The following PLOD2 variants were observed in gnomAD, a reference collection of about 807,000 sequenced individuals.
PLOD2 encodes procollagen-lysine,2-oxoglutarate 5-dioxygenase 2, also known as lysine hydroxylase 2.
In PLOD2, 65 loss-of-function variants were observed where a neutral mutation model predicts 101.0. The observed-to-expected ratio is 0.64, with a 90% CI of 0.53 to 0.79. The LOEUF (loss-of-function observed/expected upper bound fraction) is 0.79, where lower values mean the gene tolerates loss of function less well. Ranked by LOEUF, PLOD2 falls within the 30% of genes least tolerant of loss-of-function variation. The pLI is 0.00. For missense variants in PLOD2, 909 were observed against 914.6 expected (o/e 0.99, Z 0.08); for synonymous variants, 314 against 302.9 (o/e 1.04, Z -0.38).
chr3:146,069,560 A>G lies in PLOD2; in HGVS notation c.*1157T>C, dbSNP rs569145930. 7.2e-4 allele frequency: 109 copies of G among 152,252 alleles called. No individual in the cohort carries two copies. Among genetic ancestry groups the G allele is most frequent in the Non-Finnish European group, 1.5e-3 (99 of 67,904 alleles). The allele number at this position is 152,252 out of a possible 1,614,324, so 9.4% of individuals were successfully genotyped here. On this transcript the variant is annotated 3_prime_UTR_variant, in exon 20 of 20. Transcript: ENST00000282903. ...CTTTACATTAAAAACAGTAGCTACAATAAGGATATTTCAACCTTACTTAGA... is the reference window on the plus strand; with the variant it reads ...CTTTACATTAAAAACAGTAGCTACAGTAAGGATATTTCAACCTTACTTAGA...
Position 146,072,616 on chromosome 3 carries a change from T to G in PLOD2, c.1793A>C (p.Asp598Ala), listed in dbSNP as rs1353721379. ...WFPIFSEKAC[D>A]ELVEEMEHYG... Reference sequence around the variant, plus strand: ...ATGTTCCATTTCTTCTACCAATTCATCACAGGCTTTTTCAGAAAATATGGG... The same window carrying G: ...ATGTTCCATTTCTTCTACCAATTCAGCACAGGCTTTTTCAGAAAATATGGG... Residue 598 changes from aspartate to alanine, a missense_variant, in exon 17 of 20, where the codon GAT (aspartate) becomes GCT (alanine). Physicochemically the swap from Asp to Ala is moderately radical, Grantham distance 126. Transcript: ENST00000282903. The G allele has an allele frequency of 6.2e-7, 1 of 1,610,872 alleles. No individual in the cohort carries two copies. The highest frequency in any genetic ancestry group is 1.1e-5 in the South Asian group (1 of 91,038).
intron 15 of PLOD2, 96 bp downstream of exon 15, chr3:146,076,686 T>A (rs917216432): frequency 8.7e-6 from 6 of 693,280 alleles, no homozygotes; most frequent in Non-Finnish European, 1.5e-5. Context: ...TATGTCATTT[T>A]AAAAAGCCTC....
chr3:146,114,259 G>A (rs1216094708), intron 3 of PLOD2, among the ~76,000 whole-genome samples: 1 of 151,936 alleles, frequency 6.6e-6, no homozygotes, highest in Non-Finnish European at 1.5e-5. Flanking sequence ...GTGTGCCTCT[G>A]TGACCCACAC....
intron 1 of PLOD2, among the ~76,000 whole-genome samples, chr3:146,131,437 T>C (rs568051619): frequency 1.3e-3 from 196 of 152,306 alleles, no homozygotes; most frequent in Non-Finnish European, 2.1e-3. Context: ...ATGGGGATAG[T>C]GCATTATGCT....
rs1200979840 is a variant in PLOD2 at position 146,124,231 on chromosome 3, T to C, written c.110-2A>G. On this transcript the variant is annotated splice_acceptor_variant, in intron 1 of 19. Transcript: ENST00000282903. LOFTEE classifies it high-confidence loss of function. ...CTACAGTTATGACTAATAATTTATC[T>C]GCAAAGACAAAAGGAAACAAAAGAA... is the stretch of plus-strand genomic sequence containing the variant. 1 of 1,525,178 alleles carries C rather than the reference T, an allele frequency of 6.6e-7. No individual in the cohort carries two copies. Among genetic ancestry groups the C allele is most frequent in the East Asian group, 2.3e-5 (1 of 44,328 alleles). 94.5% of individuals were successfully genotyped at this position (1,525,178 alleles called of 1,614,324 possible).
At chr3:146,150,701 C>T (rs948726566) in intron 1 of PLOD2, among the ~76,000 whole-genome samples, 24 of 151,480 alleles carry the variant, frequency 1.6e-4, no homozygotes, top group African/African-American at 5.6e-4. Flanking sequence ...TGTAACAAAC[C>T]GTCACATGTA....
chr3:146,146,507 G>A (rs963122726), intron 1 of PLOD2, among the ~76,000 whole-genome samples: 4 of 152,102 alleles, frequency 2.6e-5, no homozygotes, highest in Non-Finnish European at 4.4e-5. Flanking sequence ...GGGGAGGAGG[G>A]CGGGTGGACG....
Position 146,076,806 on chromosome 3 carries a change from G to T in PLOD2, c.1653C>A (p.Leu551=). ...NYNTSHYNND[L]WQIFENPVDW... is the part of the protein sequence containing the mutation. ...CCACAGGATTTTCAAAAATCTGCCA[G>T]AGGTCATTGTTATAATGGGAAGTAT... is the stretch of plus-strand genomic sequence containing the variant. The change falls in exon 15 of 20, where the codon CTC becomes CTA. Residue 551 remains leucine (L), a synonymous_variant. Transcript: ENST00000282903. 2.6e-6 allele frequency: 4 copies of T among 1,561,676 alleles called. No individual in the cohort carries two copies. The highest frequency in any genetic ancestry group is 3.5e-6 in the Non-Finnish European group (4 of 1,134,074).
intron 1 of PLOD2, among the ~76,000 whole-genome samples, chr3:146,132,046 T>C (rs1435490156): frequency 6.6e-6 from 1 of 152,176 alleles, no homozygotes; most frequent in East Asian, 1.9e-4. Context: ...CAACCTCTAA[T>C]GCTACATAGA....
At chr3:146,101,083 G>T (rs1937373883) in intron 7 of PLOD2, among the ~76,000 whole-genome samples, 1 of 152,144 alleles carries the variant, frequency 6.6e-6, no homozygotes, top group Non-Finnish European at 1.5e-5. Context: ...TAACCACTGG[G>T]TTATAAGGGG....
intron 14 of PLOD2, 127 bp downstream of exon 14, chr3:146,077,735 A>C: frequency 3.3e-6 from 2 of 608,204 alleles, no homozygotes; most frequent in East Asian, 5.6e-5. Context: ...CACACAGATG[A>C]CTGATGAAAA....
chr3:146,100,674 C>T (rs899783795), intron 7 of PLOD2, among the ~76,000 whole-genome samples: 2 of 151,872 alleles, frequency 1.3e-5, no homozygotes, highest in Admixed American at 6.6e-5. Flanking sequence ...TATTGCTGAG[C>T]GGAGAGGGAG....
At chr3:146,148,338 GCACACACA>G (rs71158220) in intron 1 of PLOD2, among the ~76,000 whole-genome samples, 23 of 146,546 alleles carry the variant, frequency 1.6e-4, no homozygotes, top group African/African-American at 4.8e-4. Context: ...AGGCAGGCAC[GCACACACA>G]CACACACACA....
At chr3:146,121,334 A>G in intron 2 of PLOD2, 86 bp from the exon 3 acceptor site, 1 of 1,074,804 alleles carries the variant, frequency 9.3e-7, no homozygotes, top group Non-Finnish European at 1.4e-6. Flanking sequence ...ATCAACTTGA[A>G]CAGTACTGTA....
chr3:146,088,439 T>C (rs1936859889), intron 9 of PLOD2, 147 bp downstream of exon 9: 2 of 610,650 alleles, frequency 3.3e-6, no homozygotes, highest in Non-Finnish European at 5.9e-6. Flanking sequence ...CTAAAATCCT[T>C]AGGTCCTAAA....
At chr3:146,157,430 G>T (rs902366694) in intron 1 of PLOD2, among the ~76,000 whole-genome samples, 2 of 152,190 alleles carry the variant, frequency 1.3e-5, no homozygotes, top group African/African-American at 4.8e-5. Context: ...TTTCCTAGGA[G>T]CTAGACTTAA....
chr3:146,076,759 A>G (rs1054290688), intron 15 of PLOD2, 23 bp downstream of exon 15: 2 of 1,077,244 alleles, frequency 1.9e-6, no homozygotes, highest in Non-Finnish European at 2.9e-6. Flanking sequence ...GAAAAATAAT[A>G]AAGTTGAGTA....
chr3:146,086,574 G>T (rs970621827), intron 10 of PLOD2: 1 of 305,742 alleles, frequency 3.3e-6, no homozygotes, highest in Admixed American at 4.6e-5. Flanking sequence ...ATGTGGACTC[G>T]TAGCCATTAA....
intron 1 of PLOD2, among the ~76,000 whole-genome samples, chr3:146,148,936 G>A (rs966435920): frequency 3.9e-5 from 6 of 152,144 alleles, no homozygotes; most frequent in Non-Finnish European, 7.3e-5. Flanking sequence ...CATTTGTTAC[G>A]GTTAATATGA....
Sources: gnomAD v4.1 joint callset for allele counts (sites outside exome capture counted in the v4.1 genomes callset) on GRCh38, gnomAD v4.1.1 for gene constraint, MANE v1.5 for transcripts, NCBI Gene and HGNC (gene_info 2026-07-23, HGNC 2026-07-21) for gene names.